WWC1: variants seen among roughly 807,000 people sequenced by gnomAD.
The protein encoded by WWC1 is WW and C2 domain containing 1.
Under a neutral mutation model 138.4 loss-of-function variants are expected in WWC1, and 55 were observed. That is an observed-to-expected ratio of 0.40 (90% CI 0.32 to 0.50). WWC1 has a LOEUF of 0.50. WWC1 is among the 20% of genes least tolerant of loss of function. The pLI, the probability that WWC1 is intolerant of heterozygous loss-of-function variation, is 0.72. For missense variants in WWC1, 1,226 were observed against 1,420.4 expected (o/e 0.86, Z 2.20); for synonymous variants, 524 against 564.9 (o/e 0.93, Z 1.03).
At chr5:168,360,649 C>T (rs1775814530) in intron 1 of WWC1, among the ~76,000 whole-genome samples, 1 of 152,222 alleles carries the variant, frequency 6.6e-6, no homozygotes, top group Admixed American at 6.5e-5. Context: ...TAAGGTCCAG[C>T]AACAGGAGTG....
At chr5:168,347,611 C>A (rs1003746733) in intron 1 of WWC1, among the ~76,000 whole-genome samples, 2 of 152,170 alleles carry the variant, frequency 1.3e-5, no homozygotes, top group East Asian at 3.9e-4. Context: ...CTGGGCACAG[C>A]GCTTGGGTTC....
In WWC1 at chr5:168,470,768, A is replaced by T. The variant is rs1233118566; in HGVS notation, c.*1751A>T. ...AACCCAGGAGGCGGAGGTTGCGGTG[A>T]GCCGAGATGGCGCCATTGACTCCAG... is the stretch of plus-strand genomic sequence containing the variant. On this transcript the variant is annotated 3_prime_UTR_variant, in exon 23 of 23. Coordinates refer to ENST00000265293, the MANE Select transcript of WWC1 (RefSeq NM_015238.3). The T allele has an allele frequency of 6.6e-6, 1 of 152,168 alleles. No homozygotes were observed. The highest frequency in any genetic ancestry group is 1.5e-5 in the Non-Finnish European group (1 of 68,092). 9.4% of individuals were successfully genotyped at this position (152,168 alleles called of 1,614,324 possible). A position where few individuals can be genotyped will look rare whatever the true frequency, so the allele number is the denominator to read the frequency against.
chr5:168,428,583 A>G (rs1173663255), intron 12 of WWC1, 124 bp from the exon 13 acceptor site: 2 of 889,490 alleles, frequency 2.2e-6, no homozygotes, highest in African/African-American at 3.4e-5. Context: ...TTAAAATTTA[A>G]AAAAGGACCT....
intron 1 of WWC1, among the ~76,000 whole-genome samples, chr5:168,350,689 C>G (rs113806182): frequency 6.6e-6 from 1 of 152,200 alleles, no homozygotes; most frequent in Non-Finnish European, 1.5e-5. Context: ...TGATCATTCA[C>G]TCATTCATTC....
chr5:168,464,342 G>C (rs549392044), intron 20 of WWC1, among the ~76,000 whole-genome samples: 7 of 152,168 alleles, frequency 4.6e-5, no homozygotes, highest in Non-Finnish European at 7.3e-5. Flanking sequence ...TGAGAGTACT[G>C]AAGCTGGCAC....
chr5:168,305,775 G>A (rs375284629), intron 1 of WWC1, among the ~76,000 whole-genome samples: 13 of 152,194 alleles, frequency 8.5e-5, no homozygotes, highest in East Asian at 1.9e-4. Flanking sequence ...ATCACTGGAG[G>A]GGACAACTAA....
At position 168,430,176 on chromosome 5, in the gene WWC1, C is replaced by T. The variant is rs771805903; in HGVS notation, c.2040C>T (p.Ile680=). Residue 680 remains isoleucine, a synonymous_variant, in exon 14 of 23, where the codon ATC becomes ATT. Transcript: ENST00000265293. ...EKNKQFAILI[I]QLSNLSALLQ... ...ATAAGCAATTTGCAATATTAATCAT[C>T]CAGCTGAGTAACCTTTCTGCTCTGT... The T allele has an allele frequency of 6.2e-7, 1 of 1,614,096 alleles. No homozygotes were observed. Among genetic ancestry groups the T allele is most frequent in the Non-Finnish European group, 8.5e-7 (1 of 1,179,992 alleles).
At position 168,442,645 on chromosome 5, in the gene WWC1, T is replaced by C. The variant is rs535437729; in HGVS notation, c.2433+811T>C. ...TGAGGTCAGGAGTTTGAGACCACCC[T>C]GGCCAACATGGTGAAACCCTGTCTC... On this transcript the variant is annotated intron_variant, in intron 16 of 22. Transcript: ENST00000265293. Among the ~76,000 whole-genome samples the C allele has an allele frequency of 5.2e-4, 79 of 151,884 alleles. 1 individual carries two copies. Among genetic ancestry groups the C allele is most frequent in the Middle Eastern group, 6.8e-3 (2 of 294 alleles).
Position 168,292,046 on chromosome 5 carries a change from A to G in WWC1, c.-107A>G. 7.5e-7 allele frequency: 1 copy of G among 1,339,438 alleles called. No homozygotes were observed. Among genetic ancestry groups the G allele is most frequent in the Non-Finnish European group, 9.6e-7 (1 of 1,040,258 alleles). 83.0% of individuals were successfully genotyped at this position (1,339,438 alleles called of 1,614,324 possible). A position where few individuals can be genotyped will look rare whatever the true frequency, so the allele number is the denominator to read the frequency against. On this transcript the variant is annotated 5_prime_UTR_variant, in exon 1 of 23. Coordinates refer to ENST00000265293, the MANE Select transcript of WWC1 (RefSeq NM_015238.3). This position sits in a 1 kb window ranked among gnomAD's most constrained non-coding sequence, Gnocchi z 4.4. ...CCCATCTGCGGGCGCCACCCCCCGG[A>G]TCATGGTGCCTCGGCGGCCGCCCGG...
chr5:168,332,333 CA>C (rs1403144986), intron 1 of WWC1, among the ~76,000 whole-genome samples: 4 of 152,022 alleles, frequency 2.6e-5, no homozygotes, highest in African/African-American at 9.7e-5. Flanking sequence ...TAATAAAGGC[CA>C]TATCTAAAAA....
At chr5:168,333,017 C>G (rs1409914910) in intron 1 of WWC1, among the ~76,000 whole-genome samples, 2 of 152,146 alleles carry the variant, frequency 1.3e-5, no homozygotes, top group African/African-American at 2.4e-5. Context: ...CCATTTTTCA[C>G]TTTTATTAAA....
In WWC1 at chr5:168,292,438, C is replaced by T. The variant is rs1047699615; in HGVS notation, c.119+167C>T. On this transcript the variant is annotated intron_variant, in intron 1 of 22. Coordinates refer to ENST00000265293, the MANE Select transcript of WWC1 (RefSeq NM_015238.3). This position sits in a 1 kb window ranked among gnomAD's most constrained non-coding sequence, Gnocchi z 4.4. ...CCCCCCAACCTTCTGGAGCGCTGCT[C>T]CCGCCTCAGTGGGCCACCGAGAGGA... 2.6e-5 allele frequency among the ~76,000 whole-genome samples: 4 copies of T among 151,756 alleles called. No individual in the cohort carries two copies. Among genetic ancestry groups the T allele is most frequent in the Non-Finnish European group, 5.9e-5 (4 of 67,926 alleles).
At chr5:168,363,686 C>T (rs1239294303) in intron 1 of WWC1, among the ~76,000 whole-genome samples, 2 of 152,114 alleles carry the variant, frequency 1.3e-5, no homozygotes, top group African/African-American at 4.8e-5. Flanking sequence ...CCTAACTCAT[C>T]CTAACAGCCA....
chr5:168,366,982 G>C (rs966585000), intron 1 of WWC1, among the ~76,000 whole-genome samples: 1 of 151,718 alleles, frequency 6.6e-6, no homozygotes, highest in African/African-American at 2.4e-5. Context: ...ATTTTTAATA[G>C]AGATGGAGTT....
At chr5:168,295,184 C>A (rs77793070) in intron 1 of WWC1, among the ~76,000 whole-genome samples, 2,261 of 152,198 alleles carry the variant, frequency 0.015, 54 homozygotes, top group African/African-American at 0.052. Context: ...AATCACTTGA[C>A]CTCTCTGAGG....
chr5:168,369,840 A>C (rs535157183), intron 1 of WWC1, among the ~76,000 whole-genome samples: 8 of 150,670 alleles, frequency 5.3e-5, no homozygotes, highest in African/African-American at 2.0e-4. Flanking sequence ...GGAGAGTGTA[A>C]GCCTCTTTTT....
rs1469995772 is a variant in WWC1, at chr5:168,459,271, A to G, written c.2824-1379A>G. On this transcript the variant is annotated intron_variant, in intron 19 of 22. Coordinates refer to ENST00000265293, the MANE Select transcript of WWC1 (RefSeq NM_015238.3). ...CCCTGTCTCAAAAAAAAAAAAAAAAAAAAGAAAGAAAGAAAGAGAAAGCCC... is the reference window on the plus strand; with the variant it reads ...CCCTGTCTCAAAAAAAAAAAAAAAAGAAAGAAAGAAAGAAAGAGAAAGCCC... Among the ~76,000 whole-genome samples the G allele has an allele frequency of 9.6e-4, 142 of 147,774 alleles. 1 individual carries two copies. The highest frequency in any genetic ancestry group is 1.8e-3 in the African/African-American group (70 of 39,188).
At chr5:168,318,148 A>G (rs2152755534) in intron 1 of WWC1, among the ~76,000 whole-genome samples, 1 of 152,226 alleles carries the variant, frequency 6.6e-6, no homozygotes, top group East Asian at 1.9e-4. Flanking sequence ...TGGAAAGTCC[A>G]CAACACTTAA....
chr5:168,453,151 C>G (rs1383458588), intron 17 of WWC1, among the ~76,000 whole-genome samples: 1 of 151,916 alleles, frequency 6.6e-6, no homozygotes, highest in African/African-American at 2.4e-5. Flanking sequence ...CTTGAGCCCA[C>G]TGGTGGAGGC....
Sources: gnomAD v4.1 joint callset for allele counts (sites outside exome capture counted in the v4.1 genomes callset) on GRCh38, gnomAD v4.1.1 for gene constraint, Gnocchi (gnomAD v3.1) non-coding constraint, MANE v1.5 for transcripts, NCBI Gene and HGNC (gene_info 2026-07-23, HGNC 2026-07-21) for gene names.